Variants in VWA8 observed in about 807,000 individuals in gnomAD.
The protein encoded by VWA8 is von Willebrand factor A domain containing 8.
VWA8 carries 221 observed loss-of-function variants against 241.5 expected under a neutral mutation model. The observed-to-expected ratio is 0.91, with a 90% CI of 0.82 to 1.02. The LOEUF (loss-of-function observed/expected upper bound fraction) is 1.02, where lower values mean the gene tolerates loss of function less well. Ranked by LOEUF, VWA8 falls within the 50% of genes least tolerant of loss-of-function variation. The probability of loss-of-function intolerance (pLI) is 0.00; values close to 1 mark genes in which losing one functional copy is unlikely to be tolerated. For missense variants in VWA8, 2,322 were observed against 2,328.7 expected (o/e 1.00, Z 0.06); for synonymous variants, 852 against 827.1 (o/e 1.03, Z -0.52).
At chr13:41,945,638 A>C (rs896000591) in intron 2 of VWA8, among the ~76,000 whole-genome samples, 1 of 152,190 alleles carries the variant, frequency 6.6e-6, no homozygotes, top group African/African-American at 2.4e-5. Context: ...TAAATTAACC[A>C]GAGGGGCTCA....
chr13:41,606,082 G>A (rs2044552087), intron 39 of VWA8, among the ~76,000 whole-genome samples: 1 of 152,006 alleles, frequency 6.6e-6, no homozygotes, highest in Admixed American at 6.6e-5. Context: ...GTCAATGATT[G>A]CCTCCTCCAG....
chr13:41,720,773 G>A (rs2045383472), intron 25 of VWA8, among the ~76,000 whole-genome samples: 1 of 152,156 alleles, frequency 6.6e-6, no homozygotes, highest in South Asian at 2.1e-4. Flanking sequence ...GAGGTCAAGA[G>A]TTGTTGGGTT....
chr13:41,751,410 T>C lies in VWA8; in HGVS notation c.2426+9718A>G, dbSNP rs1230572815. ...GGCTGTTCTGTGCAGCGGCTGACAT[T>C]GGACAGGGCTCCAGTTCTCTAGTGC... On this transcript the variant is annotated intron_variant, in intron 21 of 44. Coordinates refer to ENST00000379310, the MANE Select transcript of VWA8 (RefSeq NM_015058.2). 3.3e-5 allele frequency among the ~76,000 whole-genome samples: 5 copies of C among 152,166 alleles called. No individual in the cohort carries two copies. The East Asian group carries it at 9.6e-4, about 29-fold the overall frequency.
intron 2 of VWA8, among the ~76,000 whole-genome samples, chr13:41,932,290 A>G (rs1406573314): frequency 6.6e-6 from 1 of 152,130 alleles, no homozygotes; most frequent in Non-Finnish European, 1.5e-5. Flanking sequence ...GAATGACTAT[A>G]TCTATGAAAG....
In VWA8 at chr13:41,839,705, A is replaced by C. The variant is rs891130815; in HGVS notation, c.1426-6174T>G. On this transcript the variant is annotated intron_variant, in intron 12 of 44. Transcript: ENST00000379310. ...TTTGTCAAAGATCAGATGGTTGTAC[A>C]TGTGTGGTGTTACATCTGAGGCATC... Among the ~76,000 whole-genome samples, 6 of 152,062 alleles carry C rather than the reference A, an allele frequency of 3.9e-5. No individual in the cohort carries two copies. In the East Asian group the frequency reaches 1.2e-3, roughly 29 times the overall value.
chr13:41,831,383 G>A (rs1374136168), intron 13 of VWA8, among the ~76,000 whole-genome samples: 2 of 152,124 alleles, frequency 1.3e-5, no homozygotes, highest in Non-Finnish European at 2.9e-5. Context: ...GGGAGAGGGA[G>A]AACGACTCTA....
At chr13:41,948,725 C>A (rs1245565229) in intron 2 of VWA8, among the ~76,000 whole-genome samples, 4 of 152,086 alleles carry the variant, frequency 2.6e-5, no homozygotes, top group African/African-American at 9.7e-5. Context: ...ATCAACTCAA[C>A]TCCTAGATTT....
chr13:41,739,848 G>GTTTTTTTTTTTTTTTTTTTTTTT (rs1179107917), intron 21 of VWA8, among the ~76,000 whole-genome samples: 1 of 50,916 alleles, frequency 2.0e-5, no homozygotes, highest in Non-Finnish European at 4.4e-5. Flanking sequence ...TGTTTTTTTT[G>GTTTTTTTTTTTTTTTTTTTTTTT]TTTTTTTTGT....
At chr13:41,867,296 C>G (rs1873357200) in intron 10 of VWA8, among the ~76,000 whole-genome samples, 1 of 152,206 alleles carries the variant, frequency 6.6e-6, no homozygotes, top group Non-Finnish European at 1.5e-5. Context: ...ATTCCGTCTC[C>G]TGAATCCCAG....
At position 41,961,027 on chromosome 13, in the gene VWA8, G is replaced by A. The variant is rs776903039; in HGVS notation, c.-12C>T. 30 of 1,362,354 alleles carry A rather than the reference G, an allele frequency of 2.2e-5. No homozygotes were observed. Among genetic ancestry groups the A allele is most frequent in the South Asian group, 2.1e-4 (12 of 57,646 alleles). 84.4% of individuals were successfully genotyped at this position (1,362,354 alleles called of 1,614,324 possible). The stretch of plus-strand genomic sequence containing the variant: ...AGCCGGGATTGCATGGCGCCGGGGG[G>A]GCTGTCGGGGACGGCGAGGGGGCTC... On this transcript the variant is annotated 5_prime_UTR_variant, in exon 1 of 45. Coordinates refer to ENST00000379310, the MANE Select transcript of VWA8 (RefSeq NM_015058.2).
chr13:41,764,335 CCTT>C lies in VWA8; in HGVS notation c.2350-3134_2350-3132del, dbSNP rs1426248507. On this transcript the variant is annotated intron_variant, in intron 20 of 44. Coordinates refer to ENST00000379310, the MANE Select transcript of VWA8 (RefSeq NM_015058.2). ...CCTTCCAACATTTTCTCCCTCCCTCCCTTCGTTTCTCCCTCTCTCACTTCCTTG... is the reference window on the plus strand; with the variant it reads ...CCTTCCAACATTTTCTCCCTCCCTCCCGTTTCTCCCTCTCTCACTTCCTTG... 3.3e-5 allele frequency among the ~76,000 whole-genome samples: 5 copies of C among 152,258 alleles called. No homozygotes were observed. In the South Asian group the frequency reaches 1.0e-3, roughly 32 times the overall value.
chr13:41,593,149 C>T (rs1253395399), intron 40 of VWA8, among the ~76,000 whole-genome samples: 1 of 152,192 alleles, frequency 6.6e-6, no homozygotes, highest in Non-Finnish European at 1.5e-5. Flanking sequence ...AGAAGCACCA[C>T]ACAATATAAT....
chr13:41,902,623 C>A (rs1173463144), intron 4 of VWA8, among the ~76,000 whole-genome samples: 1 of 152,080 alleles, frequency 6.6e-6, no homozygotes, highest in Non-Finnish European at 1.5e-5. Flanking sequence ...GCATTTATAT[C>A]AAATGAGCAT....
At chr13:41,755,692 T>G (rs1377265237) in intron 21 of VWA8, among the ~76,000 whole-genome samples, 1 of 151,882 alleles carries the variant, frequency 6.6e-6, no homozygotes, top group Non-Finnish European at 1.5e-5. Flanking sequence ...GTATCTCTAA[T>G]CCTTTAAACT....
intron 35 of VWA8, among the ~76,000 whole-genome samples, chr13:41,679,187 C>T (rs1440146156): frequency 6.6e-6 from 1 of 152,102 alleles, no homozygotes; most frequent in East Asian, 1.9e-4. Flanking sequence ...AGTTCACTAA[C>T]CATTAAAGGG....
intron 37 of VWA8, among the ~76,000 whole-genome samples, chr13:41,640,848 C>A (rs1006668199): frequency 1.3e-5 from 2 of 152,102 alleles, no homozygotes; most frequent in Non-Finnish European, 2.9e-5. Context: ...TCATCCTGAT[C>A]GTAATAAAAT....
chr13:41,592,926 T>C (rs1037417819), intron 40 of VWA8, among the ~76,000 whole-genome samples: 1 of 152,214 alleles, frequency 6.6e-6, no homozygotes, highest in African/African-American at 2.4e-5. Flanking sequence ...TGGCATCAGC[T>C]AAGAAAGAGC....
At chr13:41,783,242 T>C (rs888895389) in intron 19 of VWA8, among the ~76,000 whole-genome samples, 1 of 148,642 alleles carries the variant, frequency 6.7e-6, no homozygotes, top group African/African-American at 2.4e-5. Context: ...TACTTATATA[T>C]ATACTTAATA....
At chr13:41,672,031 T>C (rs1230192305) in intron 36 of VWA8, among the ~76,000 whole-genome samples, 1 of 152,162 alleles carries the variant, frequency 6.6e-6, no homozygotes, top group East Asian at 1.9e-4. Context: ...TTCCTGACAG[T>C]GGACGACACT....
Sources: allele counts gnomAD v4.1 joint callset (sites outside exome capture counted in the v4.1 genomes callset), GRCh38; gene constraint gnomAD v4.1.1; transcripts MANE v1.5; gene names NCBI Gene and HGNC (gene_info 2026-07-23, HGNC 2026-07-21).